ZFHX3: variants seen among roughly 807,000 people sequenced by gnomAD.
ZFHX3 encodes the protein zinc finger homeobox 3.
Under a neutral mutation model 279.1 loss-of-function variants are expected in ZFHX3, and 42 were observed. The ratio of observed to expected loss-of-function variants is 0.15; its 90% CI spans 0.12 to 0.19. The LOEUF (loss-of-function observed/expected upper bound fraction) is 0.19, where lower values mean the gene tolerates loss of function less well. Among genes scored for constraint, ZFHX3 ranks in the 10% least tolerant of loss-of-function variants. ZFHX3 has a pLI of 1.00. For synonymous variants in ZFHX3, 2,293 were observed against 1,957.8 expected (o/e 1.17, Z -4.52); for missense variants, 4,981 against 4,754.0 (o/e 1.05, Z -1.40).
intron 5 of ZFHX3, among the ~76,000 whole-genome samples, chr16:73,251,943 AC>A (rs2013517665): frequency 2.7e-5 from 2 of 74,458 alleles, no homozygotes; most frequent in South Asian, 2.9e-4. Context: ...ACACATACAC[AC>A]CACACACACG....
intron 3 of ZFHX3, among the ~76,000 whole-genome samples, chr16:73,366,497 T>C (rs9930979): frequency 0.41 from 61,329 of 150,916 alleles, 16,341 homozygotes; most frequent in African/African-American, 0.77. Flanking sequence ...TTTGGGAGGC[T>C]GAGGCAGGAG....
At chr16:72,864,048 C>G (rs1239498389) in intron 4 of ZFHX3, among the ~76,000 whole-genome samples, 3 of 151,924 alleles carry the variant, frequency 2.0e-5, no homozygotes, top group African/African-American at 7.3e-5. Context: ...ACCCGGGAGG[C>G]AGAGCTTGCA....
intron 1 of ZFHX3, among the ~76,000 whole-genome samples, chr16:73,867,922 C>T (rs1461159203): frequency 6.6e-6 from 1 of 152,166 alleles, no homozygotes; most frequent in Non-Finnish European, 1.5e-5. Context: ...ACAGTGAGAA[C>T]ATGGTGAGTC....
At chr16:73,274,927 G>T (rs1448915158) in intron 4 of ZFHX3, among the ~76,000 whole-genome samples, 1 of 152,210 alleles carries the variant, frequency 6.6e-6, no homozygotes, top group Non-Finnish European at 1.5e-5. Flanking sequence ...CTAAGAAACT[G>T]TAGTTCCCTA....
intron 2 of ZFHX3, among the ~76,000 whole-genome samples, chr16:73,528,915 T>A (rs1439429166): frequency 6.6e-6 from 1 of 152,236 alleles, no homozygotes; most frequent in African/African-American, 2.4e-5. Flanking sequence ...GACAGGCATC[T>A]GGCTGTCCAA....
At chr16:73,242,074 T>A (rs2013140960) in intron 5 of ZFHX3, among the ~76,000 whole-genome samples, 1 of 152,158 alleles carries the variant, frequency 6.6e-6, no homozygotes, top group African/African-American at 2.4e-5. Context: ...TTTGCTAGCA[T>A]CTTCTGGGTT....
At chr16:73,294,546 C>T (rs570339461) in intron 4 of ZFHX3, among the ~76,000 whole-genome samples, 2 of 152,314 alleles carry the variant, frequency 1.3e-5, no homozygotes, top group Non-Finnish European at 2.9e-5. Context: ...CGAGGTGGCT[C>T]ACGCCTGTAA....
chr16:73,754,125 G>GA (rs2053785394), intron 1 of ZFHX3, among the ~76,000 whole-genome samples: 1 of 151,866 alleles, frequency 6.6e-6, no homozygotes, highest in African/African-American at 2.4e-5. Flanking sequence ...AGACAGCTAG[G>GA]AACACAGTAG....
intron 1 of ZFHX3, among the ~76,000 whole-genome samples, chr16:73,715,952 AT>A (rs1366422070): frequency 6.6e-6 from 1 of 152,100 alleles, no homozygotes; most frequent in East Asian, 1.9e-4. Flanking sequence ...CTACATCTTA[AT>A]TTTTTAAACA....
upstream of ZFHX3, chr16:73,048,509 G>C (rs573988493): frequency 2.0e-5 from 3 of 152,356 alleles, no homozygotes; most frequent in African/African-American, 7.2e-5. Context: ...GCCCCGGCGG[G>C]AACAAAGCCC....
intron 1 of ZFHX3, among the ~76,000 whole-genome samples, chr16:73,843,607 C>T (rs1415380059): frequency 1.3e-5 from 2 of 152,180 alleles, no homozygotes; most frequent in Admixed American, 6.5e-5. Context: ...ATATTGAAAA[C>T]CCAAGACAAC....
chr16:73,114,923 G>A (rs1391248981), intron 7 of ZFHX3, among the ~76,000 whole-genome samples: 1 of 152,150 alleles, frequency 6.6e-6, no homozygotes, highest in Non-Finnish European at 1.5e-5. Flanking sequence ...CTCCCAAGCT[G>A]TAGGGACTAC....
At chr16:73,160,096 T>C (rs1386733690) in intron 5 of ZFHX3, among the ~76,000 whole-genome samples, 5 of 152,212 alleles carry the variant, frequency 3.3e-5, no homozygotes, top group Non-Finnish European at 7.3e-5. Flanking sequence ...TTTCCTTAAA[T>C]ATAAGGCATT....
chr16:73,310,826 TA>T (rs1266818586), intron 4 of ZFHX3, among the ~76,000 whole-genome samples: 1 of 152,018 alleles, frequency 6.6e-6, no homozygotes, highest in Non-Finnish European at 1.5e-5. Flanking sequence ...TTTTCAATTA[TA>T]ACTTGATATA....
Position 72,795,459 on chromosome 16 carries a change from T to G in ZFHX3, c.7223A>C (p.Gln2408Pro). The stretch of plus-strand genomic sequence containing the variant: ...CAGTTCCTCAGCCTCCGCTGTAAGC[T>G]GCAAGAAAGCGGAGGAAGCTGTATT... Reference protein sequence around the residue: ...ANNTASSAFLQLTAEAEELAT... With the variant: ...ANNTASSAFLPLTAEAEELAT... The change falls in exon 9 of 10, where the codon CAG becomes CCG. Residue 2408 changes from glutamine to proline, a missense_variant. By Grantham distance (76) the Gln-to-Pro change is moderately conservative (BLOSUM62 -1). This residue lies in a region of ZFHX3 where 744 missense variants were observed against 701.3 expected (regional missense o/e 1.06). Transcript: ENST00000268489. 6.2e-7 allele frequency: 1 copy of G among 1,614,178 alleles called. No homozygotes were observed. The highest frequency in any genetic ancestry group is 1.3e-5 in the African/African-American group (1 of 75,046).
intron 2 of ZFHX3, among the ~76,000 whole-genome samples, chr16:73,513,938 C>T (rs991878309): frequency 6.6e-6 from 1 of 152,110 alleles, no homozygotes; most frequent in Non-Finnish European, 1.5e-5. Flanking sequence ...GGGTTGGTAA[C>T]GCAGAAGAAG....
At chr16:72,838,333 G>A (rs576646433) in intron 4 of ZFHX3, among the ~76,000 whole-genome samples, 1 of 92,974 alleles carries the variant, frequency 1.1e-5, no homozygotes, top group Non-Finnish European at 2.1e-5. Flanking sequence ...GGCAGCCTGG[G>A]AAGGGAGGGC....
At chr16:73,193,510 C>A (rs1050470718) in intron 5 of ZFHX3, among the ~76,000 whole-genome samples, 1 of 152,160 alleles carries the variant, frequency 6.6e-6, no homozygotes, top group African/African-American at 2.4e-5. Flanking sequence ...TTGCTGGGAT[C>A]CCCCTGAATT....
chr16:73,118,528 A>G (rs1385797597), intron 7 of ZFHX3, among the ~76,000 whole-genome samples: 2 of 151,968 alleles, frequency 1.3e-5, no homozygotes, highest in African/African-American at 4.8e-5. Flanking sequence ...TTCTTAGGAT[A>G]TGACATGTGC....
Sources: gnomAD v4.1 joint callset for allele counts (sites outside exome capture counted in the v4.1 genomes callset) on GRCh38, gnomAD v4.1.1 for gene constraint, gnomAD v4.1.1 regional missense constraint, MANE v1.5 for transcripts, NCBI Gene and HGNC (gene_info 2026-07-23, HGNC 2026-07-21) for gene names.